Variants in ABL2 observed in about 807,000 individuals in gnomAD.
The protein encoded by ABL2 is tyrosine-protein kinase ABL2.
Under a neutral mutation model 107.7 loss-of-function variants are expected in ABL2, and 49 were observed. The ratio of observed to expected loss-of-function variants is 0.45; its 90% CI spans 0.36 to 0.58. ABL2 has a LOEUF of 0.58. Among genes scored for constraint, ABL2 ranks in the 20% least tolerant of loss-of-function variants. The pLI is 0.00. For synonymous variants in ABL2, 549 were observed against 548.6 expected (o/e 1.00, Z -0.01); for missense variants, 1,245 against 1,457.0 (o/e 0.85, Z 2.37).
chr1:179,164,248 T>G (rs1014308386), intron 1 of ABL2, among the ~76,000 whole-genome samples: 17 of 152,218 alleles, frequency 1.1e-4, no homozygotes, highest in Admixed American at 3.3e-4. Context: ...CACATTTTCA[T>G]GCCAGTTATA....
Position 179,118,567 on chromosome 1 carries a change from C to CA in ABL2, c.1223+19dup. 6.3e-7 allele frequency: 1 copy of CA among 1,598,552 alleles called. No homozygotes were observed. The highest frequency in any genetic ancestry group is 8.6e-7 in the Non-Finnish European group (1 of 1,169,164). Reference sequence around the variant, plus strand: ...CAAGCAAGATGGCTTCATGGTTGGTCAGAGGTAAGTTTTACACACCTATGG... The same window carrying CA: ...CAAGCAAGATGGCTTCATGGTTGGTCAAGAGGTAAGTTTTACACACCTATGG... On this transcript the variant is annotated intron_variant, in intron 7 of 11. Transcript: ENST00000502732.
At chr1:179,198,447 C>T (rs1488569737) in intron 1 of ABL2, among the ~76,000 whole-genome samples, 1 of 152,078 alleles carries the variant, frequency 6.6e-6, no homozygotes, top group African/African-American at 2.4e-5. Context: ...AATCCCAGCA[C>T]TTTGGGAGGC....
At chr1:179,207,969 T>A (rs1160164922) in intron 1 of ABL2, among the ~76,000 whole-genome samples, 1 of 151,952 alleles carries the variant, frequency 6.6e-6, no homozygotes, top group Non-Finnish European at 1.5e-5. Flanking sequence ...TAAATATCCT[T>A]TTTTTTTGAA....
chr1:179,167,914 G>A (rs1367521603), intron 1 of ABL2, among the ~76,000 whole-genome samples: 2 of 152,164 alleles, frequency 1.3e-5, no homozygotes, highest in Admixed American at 6.6e-5. Flanking sequence ...GGGAGGCAGA[G>A]GTTGCAATGA....
In ABL2 at chr1:179,102,543, A is replaced by C; in HGVS notation, c.*5175T>G. 1 of 227,652 alleles carries C rather than the reference A, an allele frequency of 4.4e-6. No homozygotes were observed. Among genetic ancestry groups the C allele is most frequent in the Non-Finnish European group, 8.7e-6 (1 of 114,574 alleles). 14.1% of individuals were successfully genotyped at this position (227,652 alleles called of 1,614,324 possible). A position where few individuals can be genotyped will look rare whatever the true frequency, so the allele number is the denominator to read the frequency against. On this transcript the variant is annotated 3_prime_UTR_variant, in exon 12 of 12. Coordinates refer to ENST00000502732, the MANE Select transcript of ABL2 (RefSeq NM_007314.4). ...TTAAGCCAGAGACCCACCTACAAAA[A>C]GAGGATTGGTCATAGCAGATCCTTA...
At chr1:179,157,508 C>A (rs1353414532) in intron 1 of ABL2, among the ~76,000 whole-genome samples, 1 of 151,054 alleles carries the variant, frequency 6.6e-6, no homozygotes, top group Non-Finnish European at 1.5e-5. Context: ...AAAAAAAAAA[C>A]TTAGGAATAC....
At chr1:179,125,087 A>T (rs1462629684) in intron 4 of ABL2, among the ~76,000 whole-genome samples, 1 of 151,946 alleles carries the variant, frequency 6.6e-6, no homozygotes, top group East Asian at 1.9e-4. Flanking sequence ...GGGCCAGCAA[A>T]CTCTTCATAA....
chr1:179,185,439 G>GT lies in ABL2; in HGVS notation c.157+43801dup, dbSNP rs869299500. On this transcript the variant is annotated intron_variant, in intron 1 of 11. Transcript: ENST00000502732. ...CATTCTCTATTGTAATTTTCACCCT[G>GT]TTTTTTTTAAAAAAAATTTTTTTGT... Among the ~76,000 whole-genome samples the GT allele has an allele frequency of 3.3e-5, 5 of 151,830 alleles. No homozygotes were observed. The East Asian group carries it at 7.7e-4, about 24-fold the overall frequency.
chr1:179,154,117 GCTC>G (rs1344395586), intron 1 of ABL2, among the ~76,000 whole-genome samples: 1 of 152,050 alleles, frequency 6.6e-6, no homozygotes, highest in African/African-American at 2.4e-5. Context: ...TCTTAATTCA[GCTC>G]CTCATTATTT....
chr1:179,158,436 T>C (rs976886972), intron 1 of ABL2, among the ~76,000 whole-genome samples: 1 of 152,224 alleles, frequency 6.6e-6, no homozygotes, highest in African/African-American at 2.4e-5. Flanking sequence ...GATGTAGAGA[T>C]ACAATTCTGG....
chr1:179,136,209 T>G (rs1383033501), intron 1 of ABL2, among the ~76,000 whole-genome samples: 1 of 151,614 alleles, frequency 6.6e-6, no homozygotes, highest in Non-Finnish European at 1.5e-5. Context: ...CTGGGAGGTG[T>G]ACCCAACAGC....
chr1:179,114,887 T>C lies in ABL2; in HGVS notation c.1552A>G (p.Met518Val). 1.2e-6 allele frequency: 2 copies of C among 1,601,142 alleles called. No homozygotes were observed. Among genetic ancestry groups the C allele is most frequent in the Non-Finnish European group, 1.7e-6 (2 of 1,175,450 alleles). ...ATGCAAAAATACTCACATGCTCTCATAAGTTCATAAACCTTAGGGGGGCAT... is the reference window on the plus strand; with the variant it reads ...ATGCAAAAATACTCACATGCTCTCACAAGTTCATAAACCTTAGGGGGGCAT... ...EGCPPKVYELMRACWKWSPAD... is the reference protein window; with the variant it reads ...EGCPPKVYELVRACWKWSPAD... The change falls in exon 9 of 12, where the codon ATG (methionine) becomes GTG (valine). Residue 518 changes from methionine to valine, a missense_variant. Physicochemically the swap from Met to Val is conservative, Grantham distance 21 (BLOSUM62 1). Transcript: ENST00000502732.
At position 179,201,770 on chromosome 1, in the gene ABL2, T is replaced by A. The variant is rs1158947208; in HGVS notation, c.157+27471A>T. The stretch of plus-strand genomic sequence containing the variant: ...ATGACCTTCCCACCAATAGGGAAAA[T>A]TATATCCACAGAATCGGTTGAGGTG... On this transcript the variant is annotated intron_variant, in intron 1 of 11. Transcript: ENST00000502732. 8 of 868,926 alleles carry A rather than the reference T, an allele frequency of 9.2e-6. No homozygotes were observed. In the East Asian group the frequency reaches 2.7e-4, roughly 29 times the overall value. The allele number at this position is 868,926 out of a possible 1,614,324, so 53.8% of individuals were successfully genotyped here.
rs745718170 is a variant in ABL2, at chr1:179,108,421, A to G, written c.2846T>C (p.Ile949Thr). Reference sequence around the variant, plus strand: ...TTTATTCCCCTGAGAGTCTGTGCCAATGAGCTGCACGTCAGCTGGAGTGTG... The same window carrying G: ...TTTATTCCCCTGAGAGTCTGTGCCAGTGAGCTGCACGTCAGCTGGAGTGTG... ...LKHTPADVQLIGTDSQGNKFK... is the reference protein window; with the variant it reads ...LKHTPADVQLTGTDSQGNKFK... Residue 949 changes from isoleucine to threonine, a missense_variant, in exon 12 of 12, where the codon ATT becomes ACT. This residue lies in a region of ABL2 where 761 missense variants were observed against 766.4 expected (regional missense o/e 0.99). Coordinates refer to ENST00000502732, the MANE Select transcript of ABL2 (RefSeq NM_007314.4). The G allele has an allele frequency of 1.2e-6, 2 of 1,614,210 alleles. No individual in the cohort carries two copies. Among genetic ancestry groups the G allele is most frequent in the South Asian group, 2.2e-5 (2 of 91,090 alleles).
At chr1:179,192,047 AT>A (rs1661055705) in intron 1 of ABL2, among the ~76,000 whole-genome samples, 1 of 152,238 alleles carries the variant, frequency 6.6e-6, no homozygotes, top group Non-Finnish European at 1.5e-5. Context: ...ACTTGGTGAC[AT>A]TTTACCATTC....
intron 1 of ABL2, among the ~76,000 whole-genome samples, chr1:179,135,171 G>C (rs1656750243): frequency 6.6e-6 from 1 of 152,146 alleles, no homozygotes; most frequent in African/African-American, 2.4e-5. Flanking sequence ...GAAGTGAGGA[G>C]CATCTCCGCC....
At chr1:179,110,647 C>A in intron 10 of ABL2, 192 bp from the exon 11 acceptor site, 1 of 1,542,176 alleles carries the variant, frequency 6.5e-7, no homozygotes. Context: ...TTCGTCCACG[C>A]TGCTGCATGT....
intron 1 of ABL2, among the ~76,000 whole-genome samples, chr1:179,190,078 A>C (rs1660913871): frequency 6.6e-6 from 1 of 152,024 alleles, no homozygotes; most frequent in African/African-American, 2.4e-5. Flanking sequence ...CGGCCTCCCA[A>C]AGTGCTGGGA....
intron 1 of ABL2, among the ~76,000 whole-genome samples, chr1:179,179,196 C>A (rs1258920665): frequency 3.3e-5 from 5 of 152,122 alleles, no homozygotes; most frequent in African/African-American, 1.2e-4. Context: ...TTAAAGTGCT[C>A]AGATAATTCC....
Sources: gnomAD v4.1 joint callset for allele counts (sites outside exome capture counted in the v4.1 genomes callset) on GRCh38, gnomAD v4.1.1 for gene constraint, gnomAD v4.1.1 regional missense constraint, MANE v1.5 for transcripts, NCBI Gene and HGNC (gene_info 2026-07-23, HGNC 2026-07-21) for gene names.